Variants in TMEM178B observed in about 807,000 individuals in gnomAD.
TMEM178B encodes the protein transmembrane protein 178B.
A neutral mutation model predicts 31.0 loss-of-function variants in TMEM178B; 5 were observed. The observed-to-expected ratio is 0.16, with a 90% confidence interval of 0.08 to 0.34. The LOEUF (loss-of-function observed/expected upper bound fraction) is 0.34, where lower values mean the gene tolerates loss of function less well. TMEM178B is among the 10% of genes least tolerant of loss of function. The pLI is 1.00. For missense variants in TMEM178B, 275 were observed against 400.3 expected, an observed-to-expected ratio of 0.69 and a Z score of 2.67; for synonymous variants, 164 against 164.0, an observed-to-expected ratio of 1.00 and a Z score of 0.00.
chr7:141,486,076 G>A, the TMEM178B span, among the ~76,000 whole-genome samples: 1 of 152,202 alleles, frequency 6.6e-6, no homozygotes, highest in Admixed American at 6.5e-5. Context: ...GCCATAAAAA[G>A]AATGAAATCA....
chr7:141,164,120 C>T lies in TMEM178B; in HGVS notation c.383-48471C>T, dbSNP rs190706899. Reference sequence around the variant, plus strand: ...ACTCTTTGATAGATACAATAGTACACATTTTCCTTTGTACAACACCCTTTT... The same window carrying T: ...ACTCTTTGATAGATACAATAGTACATATTTTCCTTTGTACAACACCCTTTT... On this transcript the variant is annotated intron_variant, in intron 1 of 3. Transcript: ENST00000565468. Among the ~76,000 whole-genome samples the T allele has an allele frequency of 8.5e-5, 13 of 152,310 alleles. No individual in the cohort carries two copies. In the East Asian group the frequency reaches 2.5e-3, roughly 29 times the overall value.
the TMEM178B span, among the ~76,000 whole-genome samples, chr7:141,504,168 A>T: frequency 6.6e-6 from 1 of 152,224 alleles, no homozygotes; most frequent in East Asian, 1.9e-4. Context: ...TGAAGAAATT[A>T]CTGTATCTGT....
intron 2 of TMEM178B, among the ~76,000 whole-genome samples, chr7:141,369,038 C>T (rs1800061313): frequency 6.6e-6 from 1 of 152,102 alleles, no homozygotes; most frequent in South Asian, 2.1e-4. Flanking sequence ...TCTTGCTCAC[C>T]CCCCTTTCCC....
chr7:141,431,417 T>A (rs1191793502), intron 2 of TMEM178B: 2 of 152,184 alleles, frequency 1.3e-5, no homozygotes, highest in Non-Finnish European at 2.9e-5. Flanking sequence ...CTGGTTCTAT[T>A]TAATGGTTCT....
Position 141,074,402 on chromosome 7 carries a change from G to A in TMEM178B, c.92G>A (p.Trp31Ter), listed in dbSNP as rs1485740793. The A allele has an allele frequency of 1.3e-6, 2 of 1,536,148 alleles. No individual in the cohort carries two copies. Among genetic ancestry groups the A allele is most frequent in the Non-Finnish European group, 1.7e-6 (2 of 1,146,874 alleles). ...MLAVAICSDH[W>*]YETDARKHRD... Reference sequence around the variant, plus strand: ...GCCGTGGCCATCTGCTCGGACCACTGGTACGAGACGGACGCCAGGAAGCAC... The same window carrying A: ...GCCGTGGCCATCTGCTCGGACCACTAGTACGAGACGGACGCCAGGAAGCAC... The change falls in exon 1 of 4, where the codon TGG (tryptophan) becomes TAG (stop). Residue 31 changes from tryptophan to a stop codon, truncating the protein, a stop_gained. Transcript: ENST00000565468. LOFTEE classifies it high-confidence loss of function. This position sits in a 1 kb window ranked among gnomAD's most constrained non-coding sequence, Gnocchi z 5.1.
intron 2 of TMEM178B, among the ~76,000 whole-genome samples, chr7:141,384,565 A>G (rs1800395095): frequency 6.6e-6 from 1 of 152,072 alleles, no homozygotes; most frequent in African/African-American, 2.4e-5. Context: ...GTTCTGTTCC[A>G]TTGGTCTATA....
chr7:141,138,222 TG>T (rs2129178687), intron 1 of TMEM178B, among the ~76,000 whole-genome samples: 1 of 152,090 alleles, frequency 6.6e-6, no homozygotes, highest in Non-Finnish European at 1.5e-5. Flanking sequence ...CCACCATGCC[TG>T]GCTAATTTTT....
chr7:141,497,322 C>G, the TMEM178B span, among the ~76,000 whole-genome samples: 4 of 152,188 alleles, frequency 2.6e-5, no homozygotes, highest in Non-Finnish European at 4.4e-5. Flanking sequence ...ACTCTCCTTC[C>G]CTTTTCTCCT....
intron 2 of TMEM178B, among the ~76,000 whole-genome samples, chr7:141,314,273 A>T (rs1798963745): frequency 6.6e-6 from 1 of 152,156 alleles, no homozygotes; most frequent in African/African-American, 2.4e-5. Context: ...GGCCTCTCAC[A>T]CATCATTGGT....
intron 2 of TMEM178B, among the ~76,000 whole-genome samples, chr7:141,326,862 A>T (rs546636263): frequency 6.6e-6 from 1 of 152,144 alleles, no homozygotes; most frequent in Admixed American, 6.5e-5. Flanking sequence ...GTGTTGTCCG[A>T]TATGGTAGCC....
intron 2 of TMEM178B, among the ~76,000 whole-genome samples, chr7:141,250,092 A>G (rs929961574): frequency 2.0e-5 from 3 of 152,084 alleles, no homozygotes; most frequent in African/African-American, 7.2e-5. Context: ...TTTTTTTCTG[A>G]GCAGCTGCTG....
chr7:141,421,518 A>G (rs1038080082), intron 2 of TMEM178B, among the ~76,000 whole-genome samples: 3 of 152,196 alleles, frequency 2.0e-5, no homozygotes, highest in Non-Finnish European at 4.4e-5. Flanking sequence ...ACAGTGAATA[A>G]AAGCGTGGGC....
chr7:141,335,812 G>A (rs1429359912), intron 2 of TMEM178B, among the ~76,000 whole-genome samples: 2 of 152,132 alleles, frequency 1.3e-5, no homozygotes, highest in Non-Finnish European at 2.9e-5. Flanking sequence ...GATGGTGTGT[G>A]TGTGTCCTAG....
chr7:141,214,772 T>C (rs1797104780), intron 2 of TMEM178B, among the ~76,000 whole-genome samples: 1 of 152,096 alleles, frequency 6.6e-6, no homozygotes, highest in South Asian at 2.1e-4. Context: ...GCTGTAGGGT[T>C]CTGCAAAATC....
At chr7:141,420,152 C>T (rs1480751450) in intron 2 of TMEM178B, among the ~76,000 whole-genome samples, 2 of 151,772 alleles carry the variant, frequency 1.3e-5, no homozygotes, top group Non-Finnish European at 2.9e-5. Context: ...ACAGCTCATC[C>T]CCCAACCTAC....
At chr7:141,125,374 C>A (rs1688850550) in intron 1 of TMEM178B, among the ~76,000 whole-genome samples, 1 of 152,056 alleles carries the variant, frequency 6.6e-6, no homozygotes, top group African/African-American at 2.4e-5. Context: ...TCAGATTTCT[C>A]CCTGCTTGTT....
chr7:141,080,892 G>T (rs186289514), intron 1 of TMEM178B, among the ~76,000 whole-genome samples: 1 of 152,244 alleles, frequency 6.6e-6, no homozygotes, highest in African/African-American at 2.4e-5. Flanking sequence ...CCTGTGTTTG[G>T]GTTGAGGCTG....
intron 2 of TMEM178B, among the ~76,000 whole-genome samples, chr7:141,239,447 G>A (rs112027950): frequency 5.1e-4 from 78 of 152,168 alleles, no homozygotes; most frequent in African/African-American, 1.5e-3. Flanking sequence ...TGGTCACTTC[G>A]TACCCTCCAC....
chr7:141,167,764 C>T (rs931236149), intron 1 of TMEM178B, among the ~76,000 whole-genome samples: 5 of 152,234 alleles, frequency 3.3e-5, no homozygotes, highest in Non-Finnish European at 7.3e-5. Flanking sequence ...TAAAGGAATG[C>T]AGCCCTGGAC....
Sources: gnomAD v4.1 joint callset for allele counts (sites outside exome capture counted in the v4.1 genomes callset) on GRCh38, gnomAD v4.1.1 for gene constraint, Gnocchi (gnomAD v3.1) non-coding constraint, MANE v1.5 for transcripts, NCBI Gene and HGNC (gene_info 2026-07-23, HGNC 2026-07-21) for gene names.